The following DNAH14 variants were observed in gnomAD, a reference collection of about 807,000 sequenced individuals.
DNAH14 encodes axonemal beta dynein heavy chain 14.
A neutral mutation model predicts 520.9 loss-of-function variants in DNAH14; 478 were observed. The ratio of observed to expected loss-of-function variants is 0.92; its 90% CI spans 0.85 to 0.99. DNAH14 has a LOEUF of 0.99. Among genes scored for constraint, DNAH14 ranks in the 50% least tolerant of loss-of-function variants. The pLI is 0.00. For missense variants in DNAH14, 4,831 were observed against 5,234.5 expected (o/e 0.92, Z 2.38); for synonymous variants, 1,581 against 1,757.2 (o/e 0.90, Z 2.51).
intron 21 of DNAH14, among the ~76,000 whole-genome samples, chr1:225,094,656 CA>C (rs760828776): frequency 0.16 from 11,799 of 75,978 alleles, 536 homozygotes; most frequent in East Asian, 0.27. Context: ...TTCTGCACAG[CA>C]AAAAAAAAAA....
At chr1:225,335,152 T>TGTGTGC (rs2150315003) in intron 66 of DNAH14, among the ~76,000 whole-genome samples, 1 of 146,930 alleles carries the variant, frequency 6.8e-6, no homozygotes, top group East Asian at 2.2e-4. Flanking sequence ...CATGTGTACA[T>TGTGTGC]GTGTGCATGT....
intron 38 of DNAH14, among the ~76,000 whole-genome samples, chr1:225,201,430 T>G (rs1229346240): frequency 2.0e-5 from 3 of 152,144 alleles, no homozygotes; most frequent in African/African-American, 7.2e-5. Context: ...TGGGGGCTGC[T>G]AAAGAACCTT....
At chr1:225,060,460 C>T (rs1165008120) in intron 17 of DNAH14, among the ~76,000 whole-genome samples, 1 of 152,052 alleles carries the variant, frequency 6.6e-6, no homozygotes, top group East Asian at 1.9e-4. Flanking sequence ...TTGGTTCGAC[C>T]TTCCTCCTTT....
intron 41 of DNAH14, among the ~76,000 whole-genome samples, chr1:225,226,455 C>T (rs2090544149): frequency 6.6e-6 from 1 of 152,232 alleles, no homozygotes; most frequent in South Asian, 2.1e-4. Flanking sequence ...ACCAATGCCA[C>T]CTTCCCAAAC....
chr1:224,999,804 C>T (rs1320869006), intron 8 of DNAH14, among the ~76,000 whole-genome samples: 1 of 151,916 alleles, frequency 6.6e-6, no homozygotes, highest in Admixed American at 6.6e-5. Flanking sequence ...ATAATTTTAT[C>T]AGTTTGAATG....
chr1:225,069,762 G>C (rs1021520072), intron 17 of DNAH14, among the ~76,000 whole-genome samples: 6 of 152,174 alleles, frequency 3.9e-5, no homozygotes, highest in Non-Finnish European at 7.4e-5. Flanking sequence ...TTAAGTTTTT[G>C]GATTAGTTTC....
intron 10 of DNAH14, among the ~76,000 whole-genome samples, chr1:225,022,171 C>A (rs1299789763): frequency 1.3e-5 from 2 of 152,112 alleles, no homozygotes; most frequent in Admixed American, 1.3e-4. Context: ...CTAGGAAATA[C>A]CATTCTGGAC....
intron 62 of DNAH14, among the ~76,000 whole-genome samples, chr1:225,323,860 C>T (rs370606999): frequency 2.0e-5 from 3 of 151,958 alleles, no homozygotes; most frequent in Non-Finnish European, 4.4e-5. Flanking sequence ...TCTGTGCACT[C>T]GCTGGAGTGC....
At chr1:225,057,801 C>T (rs1338052804) in intron 17 of DNAH14, among the ~76,000 whole-genome samples, 1 of 152,048 alleles carries the variant, frequency 6.6e-6, no homozygotes, top group Non-Finnish European at 1.5e-5. Flanking sequence ...TGGTTTTTGT[C>T]GTTGGTTCTG....
At chr1:225,266,001 C>T (rs759657000) in intron 48 of DNAH14, among the ~76,000 whole-genome samples, 3 of 151,636 alleles carry the variant, frequency 2.0e-5, no homozygotes, top group South Asian at 2.1e-4. Context: ...GGGTTTTTTA[C>T]GTTGCTTCTT....
chr1:225,038,896 TG>T, intron 12 of DNAH14, 73 bp downstream of exon 12: 1 of 1,295,440 alleles, frequency 7.7e-7, no homozygotes, highest in Non-Finnish European at 1.0e-6. Flanking sequence ...ATTTAAAATG[TG>T]ATTTATGATT....
In DNAH14 at chr1:225,322,284, T is replaced by C. The variant is rs909979841; in HGVS notation, c.9336-380T>C. ...TTTTTATTTTTGTAGAGACCGGGTTTCGCCATGTTGGCCAGGCTGGTCTCG... is the reference window on the plus strand; with the variant it reads ...TTTTTATTTTTGTAGAGACCGGGTTCCGCCATGTTGGCCAGGCTGGTCTCG... On this transcript the variant is annotated intron_variant, in intron 61 of 85. Transcript: ENST00000682510. Among the ~76,000 whole-genome samples the C allele has an allele frequency of 2.0e-5, 3 of 151,896 alleles. 1 individual carries two copies. The highest frequency in any genetic ancestry group is 2.0e-4 in the Admixed American group (3 of 15,256).
intron 17 of DNAH14, among the ~76,000 whole-genome samples, chr1:225,070,224 T>G (rs1395065336): frequency 6.6e-6 from 1 of 152,200 alleles, no homozygotes; most frequent in Non-Finnish European, 1.5e-5. Context: ...ACTCTGATTT[T>G]GGTTATTTCT....
chr1:225,251,836 T>C (rs1020918685), intron 43 of DNAH14, among the ~76,000 whole-genome samples: 1 of 152,206 alleles, frequency 6.6e-6, no homozygotes. Flanking sequence ...ACTAATACTG[T>C]TATTATCTTA....
chr1:225,103,707 A>G (rs1471631893), intron 23 of DNAH14, among the ~76,000 whole-genome samples: 2 of 152,162 alleles, frequency 1.3e-5, no homozygotes, highest in East Asian at 1.9e-4. Flanking sequence ...TCATTGGTGT[A>G]TAAGAACGCT....
At chr1:225,063,098 T>A (rs1042088855) in intron 17 of DNAH14, among the ~76,000 whole-genome samples, 2 of 149,346 alleles carry the variant, frequency 1.3e-5, no homozygotes, top group African/African-American at 4.9e-5. Context: ...AATGAAAACA[T>A]GAACATAACA....
intron 8 of DNAH14, among the ~76,000 whole-genome samples, chr1:224,996,376 G>T (rs2063396474): frequency 2.0e-5 from 3 of 152,048 alleles, no homozygotes; most frequent in African/African-American, 7.3e-5. Context: ...GCCCAGGCTG[G>T]TCTTGAACTC....
At chr1:225,305,159 T>C (rs2094214735) in intron 58 of DNAH14, 70 bp downstream of exon 58, 1 of 1,460,558 alleles carries the variant, frequency 6.8e-7, no homozygotes, top group Non-Finnish European at 9.0e-7. Flanking sequence ...GAGACACAAA[T>C]GCAAAATGGT....
chr1:225,211,864 T>G (rs1321061733), intron 41 of DNAH14, among the ~76,000 whole-genome samples: 2 of 150,770 alleles, frequency 1.3e-5, no homozygotes, highest in African/African-American at 4.9e-5. Context: ...GAAAGAATTT[T>G]CAACCCAGAA....
Sources: allele counts gnomAD v4.1 joint callset (sites outside exome capture counted in the v4.1 genomes callset), GRCh38; gene constraint gnomAD v4.1.1; transcripts MANE v1.5; gene names NCBI Gene and HGNC (gene_info 2026-07-23, HGNC 2026-07-21).